Variants in FSTL5 observed in about 807,000 individuals in gnomAD.
FSTL5 encodes follistatin-related protein 5.
FSTL5 carries 62 observed loss-of-function variants against 89.1 expected under a neutral mutation model. That is an observed-to-expected ratio of 0.70 (90% confidence interval 0.57 to 0.86). The LOEUF (loss-of-function observed/expected upper bound fraction) is 0.86, where lower values mean the gene tolerates loss of function less well. FSTL5 is among the 40% of genes least tolerant of loss of function. FSTL5 has a pLI of 0.00. For missense variants in FSTL5, 1,057 were observed against 1,001.6 expected (o/e 1.06, Z -0.75); for synonymous variants, 383 against 346.2 (o/e 1.11, Z -1.18).
At chr4:161,443,170 A>C (rs957366311) in intron 15 of FSTL5, among the ~76,000 whole-genome samples, 1 of 151,998 alleles carries the variant, frequency 6.6e-6, no homozygotes, top group Admixed American at 6.6e-5. Flanking sequence ...GTCTCACTGC[A>C]ACATATGGTC....
chr4:161,944,042 A>G (rs779377322), intron 3 of FSTL5, among the ~76,000 whole-genome samples: 1 of 151,842 alleles, frequency 6.6e-6, no homozygotes, highest in Admixed American at 6.6e-5. Flanking sequence ...ATAATTTCCA[A>G]CCTTTTAATG....
chr4:161,601,270 CA>C (rs915848183), intron 7 of FSTL5, among the ~76,000 whole-genome samples: 1 of 104,212 alleles, frequency 9.6e-6, no homozygotes, highest in African/African-American at 3.8e-5. Flanking sequence ...CAAAACAAAA[CA>C]AAAAAACAAT....
At chr4:161,527,609 C>A (rs1282646509) in intron 10 of FSTL5, among the ~76,000 whole-genome samples, 4 of 152,010 alleles carry the variant, frequency 2.6e-5, no homozygotes, top group Non-Finnish European at 5.9e-5. Context: ...CATCTCACAC[C>A]AGTTAGAATG....
intron 4 of FSTL5, among the ~76,000 whole-genome samples, chr4:161,877,932 G>T (rs1383322959): frequency 2.0e-5 from 3 of 151,620 alleles, no homozygotes; most frequent in African/African-American, 7.3e-5. Flanking sequence ...GGGATTACAG[G>T]CATGAGTAAC....
intron 3 of FSTL5, among the ~76,000 whole-genome samples, chr4:161,984,243 C>CA (rs1274229001): frequency 6.6e-6 from 1 of 151,814 alleles, no homozygotes; most frequent in African/African-American, 2.4e-5. Context: ...TTTTTTCTAA[C>CA]AGAGTAATGT....
intron 7 of FSTL5, among the ~76,000 whole-genome samples, chr4:161,604,850 G>T (rs1734381778): frequency 6.6e-6 from 1 of 152,128 alleles, no homozygotes; most frequent in African/African-American, 2.4e-5. Flanking sequence ...CAGTGTGGGA[G>T]CCTGCCTAAA....
chr4:161,415,463 C>G (rs552618630), intron 15 of FSTL5, among the ~76,000 whole-genome samples: 23 of 152,114 alleles, frequency 1.5e-4, no homozygotes, highest in Middle Eastern at 6.8e-3. Context: ...CCATGTTGGC[C>G]AGGCTGGTCT....
At chr4:162,006,429 A>G (rs945235864) in intron 3 of FSTL5, among the ~76,000 whole-genome samples, 3 of 152,008 alleles carry the variant, frequency 2.0e-5, no homozygotes, top group Non-Finnish European at 4.4e-5. Context: ...TACTAGGGAA[A>G]TGATAAACAG....
intron 3 of FSTL5, among the ~76,000 whole-genome samples, chr4:161,965,704 T>C (rs563987107): frequency 4.6e-5 from 7 of 152,256 alleles, no homozygotes; most frequent in African/African-American, 1.2e-4. Flanking sequence ...ACAACTTGTT[T>C]ACTGCTGGCA....
chr4:162,015,105 A>C (rs946834423), intron 3 of FSTL5, among the ~76,000 whole-genome samples: 5 of 152,296 alleles, frequency 3.3e-5, no homozygotes, highest in Admixed American at 3.3e-4. Context: ...AAATGGAGTA[A>C]AACTTTCCCA....
intron 4 of FSTL5, among the ~76,000 whole-genome samples, chr4:161,906,615 T>C (rs1178719164): frequency 6.6e-6 from 1 of 151,916 alleles, no homozygotes. Context: ...TCCTCTTTGG[T>C]GAGGGGGAAA....
At chr4:161,637,996 T>A (rs1735787198) in intron 7 of FSTL5, among the ~76,000 whole-genome samples, 1 of 152,074 alleles carries the variant, frequency 6.6e-6, no homozygotes, top group Non-Finnish European at 1.5e-5. Flanking sequence ...TCCAATTCTG[T>A]GAAGAAAATC....
intron 8 of FSTL5, among the ~76,000 whole-genome samples, chr4:161,565,352 T>C (rs191927404): frequency 3.9e-5 from 6 of 152,046 alleles, no homozygotes; most frequent in Admixed American, 1.3e-4. Context: ...AAATGTCAAG[T>C]AAATGGAAAT....
At chr4:161,448,656 C>T (rs1380962219) in intron 15 of FSTL5, among the ~76,000 whole-genome samples, 1 of 152,138 alleles carries the variant, frequency 6.6e-6, no homozygotes, top group Non-Finnish European at 1.5e-5. Context: ...GTGTCCGCTA[C>T]TTACTCTCTC....
At chr4:161,711,109 T>A (rs1174849578) in intron 6 of FSTL5, among the ~76,000 whole-genome samples, 1 of 151,452 alleles carries the variant, frequency 6.6e-6, no homozygotes, top group Non-Finnish European at 1.5e-5. Context: ...TATTTTTAAT[T>A]AATAACCTAA....
chr4:161,641,894 C>A (rs2126668990), intron 7 of FSTL5, among the ~76,000 whole-genome samples: 1 of 152,200 alleles, frequency 6.6e-6, no homozygotes, highest in South Asian at 2.1e-4. Context: ...ATAATTTAAA[C>A]TTTTCACTAC....
chr4:161,529,409 A>T (rs932909298), intron 10 of FSTL5, among the ~76,000 whole-genome samples: 2 of 142,776 alleles, frequency 1.4e-5, no homozygotes, highest in South Asian at 4.8e-4. Context: ...AAGCATGAAT[A>T]TTGGAATTTA....
chr4:161,808,256 C>G (rs1730028178), intron 4 of FSTL5, among the ~76,000 whole-genome samples: 1 of 151,976 alleles, frequency 6.6e-6, no homozygotes, highest in Admixed American at 6.5e-5. Flanking sequence ...AATAATTAGA[C>G]AGGGATTTCT....
intron 13 of FSTL5, among the ~76,000 whole-genome samples, chr4:161,474,062 G>T (rs1734040877): frequency 6.6e-6 from 1 of 151,888 alleles, no homozygotes; most frequent in Admixed American, 6.6e-5. Context: ...TTCATGTTTA[G>T]TTATTTTTTT....
Sources: gnomAD v4.1 joint callset for allele counts (sites outside exome capture counted in the v4.1 genomes callset) on GRCh38, gnomAD v4.1.1 for gene constraint, MANE v1.5 for transcripts, NCBI Gene and HGNC (gene_info 2026-07-23, HGNC 2026-07-21) for gene names.